The following SORCS3 variants were observed in gnomAD, a reference collection of about 807,000 sequenced individuals.
SORCS3 encodes the protein sortilin related VPS10 domain containing receptor 3.
A neutral mutation model predicts 146.3 loss-of-function variants in SORCS3; 57 were observed. The observed-to-expected ratio is 0.39, with a 90% CI of 0.31 to 0.49. The LOEUF is 0.49. Among genes scored for constraint, SORCS3 ranks in the 20% least tolerant of loss-of-function variants. The pLI, the probability that SORCS3 is intolerant of heterozygous loss-of-function variation, is 0.92. For missense variants in SORCS3, 1,341 were observed against 1,575.5 expected, an observed-to-expected ratio of 0.85 and a Z score of 2.52; for synonymous variants, 653 against 618.5, an observed-to-expected ratio of 1.06 and a Z score of -0.83.
intron 1 of SORCS3, among the ~76,000 whole-genome samples, chr10:104,694,468 C>A (rs1183282731): frequency 6.6e-6 from 1 of 152,000 alleles, no homozygotes; most frequent in Non-Finnish European, 1.5e-5. Context: ...CCCAGGATCC[C>A]TTCCTCAGGA....
chr10:104,715,934 C>G (rs980837256), intron 1 of SORCS3, among the ~76,000 whole-genome samples: 2 of 152,152 alleles, frequency 1.3e-5, no homozygotes, highest in Non-Finnish European at 2.9e-5. Context: ...CAAGTAGAGC[C>G]AAAGTTCTTA....
At chr10:105,022,039 G>T (rs1255440798) in intron 4 of SORCS3, among the ~76,000 whole-genome samples, 3 of 152,194 alleles carry the variant, frequency 2.0e-5, no homozygotes, top group East Asian at 3.9e-4. Context: ...GCCAGGGGTT[G>T]TGGGGAAAGA....
chr10:105,035,257 AT>A (rs905835522), intron 4 of SORCS3, among the ~76,000 whole-genome samples: 1 of 152,188 alleles, frequency 6.6e-6, no homozygotes, highest in African/African-American at 2.4e-5. Flanking sequence ...TACCCATGGA[AT>A]TTTAAGGTGA....
chr10:105,185,914 A>AT (rs2056472658), intron 14 of SORCS3, among the ~76,000 whole-genome samples: 1 of 151,190 alleles, frequency 6.6e-6, no homozygotes, highest in Non-Finnish European at 1.5e-5. Context: ...CTTCTACATG[A>AT]TTTTTTCTCT....
intron 12 of SORCS3, among the ~76,000 whole-genome samples, chr10:105,164,999 A>C (rs770416389): frequency 1.3e-5 from 2 of 152,232 alleles, no homozygotes; most frequent in African/African-American, 2.4e-5. Context: ...GTGCTTGTCC[A>C]TGCAGCTATG....
intron 5 of SORCS3, among the ~76,000 whole-genome samples, chr10:105,087,769 A>C (rs1775773341): frequency 6.6e-6 from 1 of 152,274 alleles, no homozygotes; most frequent in African/African-American, 2.4e-5. Flanking sequence ...GAAATGAATT[A>C]GCAATTGCAT....
At chr10:105,129,862 T>G (rs58957165) in intron 7 of SORCS3, among the ~76,000 whole-genome samples, 3,742 of 152,212 alleles carry the variant, frequency 0.025, 153 homozygotes, top group African/African-American at 0.085. Flanking sequence ...TAGGAATTCA[T>G]CTTGGCTGAG....
intron 2 of SORCS3, among the ~76,000 whole-genome samples, chr10:104,883,671 T>C (rs1209124564): frequency 6.6e-6 from 1 of 152,162 alleles, no homozygotes; most frequent in Non-Finnish European, 1.5e-5. Context: ...TTATTGTTGG[T>C]CCTACTCTAT....
chr10:104,908,150 C>G lies in SORCS3; in HGVS notation c.696-7683C>G, dbSNP rs140380828. Among the ~76,000 whole-genome samples the G allele has an allele frequency of 1.3e-4, 20 of 152,338 alleles. No homozygotes were observed. The East Asian group carries it at 3.9e-3, about 29-fold the overall frequency. On this transcript the variant is annotated intron_variant, in intron 2 of 26. Transcript: ENST00000369701. ...TGATTGTTGACAATCCTCAGTGTAT[C>G]TCAGTGGAGTACACCTGAAGGAGCT...
At chr10:104,655,242 C>T (rs374751072) in intron 1 of SORCS3, among the ~76,000 whole-genome samples, 574 of 95,586 alleles carry the variant, frequency 6.0e-3, no homozygotes, top group South Asian at 0.027. Context: ...AACAGAGCTC[C>T]GTCTCAAAAA....
At chr10:104,864,487 A>AGT (rs1322953007) in intron 2 of SORCS3, among the ~76,000 whole-genome samples, 2 of 152,130 alleles carry the variant, frequency 1.3e-5, no homozygotes, top group Non-Finnish European at 2.9e-5. Context: ...TGCCATTGCC[A>AGT]GTGTATACCT....
intron 1 of SORCS3, among the ~76,000 whole-genome samples, chr10:104,837,402 C>T (rs999493491): frequency 2.0e-5 from 3 of 152,154 alleles, no homozygotes; most frequent in South Asian, 4.1e-4. Flanking sequence ...TAGAGACAGA[C>T]TTCTCTGCTA....
intron 5 of SORCS3, among the ~76,000 whole-genome samples, chr10:105,046,305 C>A (rs1452069192): frequency 2.0e-5 from 3 of 152,062 alleles, no homozygotes; most frequent in Non-Finnish European, 4.4e-5. Context: ...GCTCCTGTGA[C>A]CCTGCGCAAA....
chr10:104,889,045 C>T (rs532612215), intron 2 of SORCS3, among the ~76,000 whole-genome samples: 6 of 152,176 alleles, frequency 3.9e-5, no homozygotes, highest in African/African-American at 1.4e-4. Flanking sequence ...TAAAATATTT[C>T]TCTTTATCTG....
chr10:105,244,032 T>C (rs2056851838), intron 20 of SORCS3, among the ~76,000 whole-genome samples: 1 of 152,166 alleles, frequency 6.6e-6, no homozygotes. Context: ...TCCATCCTGC[T>C]GTCGTCCTGA....
intron 2 of SORCS3, among the ~76,000 whole-genome samples, chr10:104,873,459 C>A (rs1031377191): frequency 3.3e-5 from 5 of 152,198 alleles, no homozygotes; most frequent in African/African-American, 1.2e-4. Context: ...TAGCTTTGAG[C>A]TGACTACCTT....
At chr10:105,239,956 G>C (rs1380887007) in intron 20 of SORCS3, among the ~76,000 whole-genome samples, 1 of 152,168 alleles carries the variant, frequency 6.6e-6, no homozygotes, top group African/African-American at 2.4e-5. Context: ...AACAAAATTA[G>C]CTCCTGCCAT....
intron 14 of SORCS3, among the ~76,000 whole-genome samples, chr10:105,196,251 A>T (rs923150450): frequency 6.6e-6 from 1 of 152,150 alleles, no homozygotes; most frequent in Non-Finnish European, 1.5e-5. Flanking sequence ...TTGAATTTCT[A>T]TGCTTACTAA....
intron 16 of SORCS3, 59 bp downstream of exon 16, chr10:105,201,312 G>A (rs534423278): frequency 2.6e-6 from 4 of 1,555,940 alleles, no homozygotes; most frequent in South Asian, 1.2e-5. Context: ...TCTGTGGGGT[G>A]GGGTGGGGTG....
Sources: gnomAD v4.1 joint callset for allele counts (sites outside exome capture counted in the v4.1 genomes callset) on GRCh38, gnomAD v4.1.1 for gene constraint, MANE v1.5 for transcripts, NCBI Gene and HGNC (gene_info 2026-07-23, HGNC 2026-07-21) for gene names.